The following UBR4 variants were observed in gnomAD, a reference collection of about 807,000 sequenced individuals.
The protein encoded by UBR4 is ubiquitin protein ligase E3 component n-recognin 4, also known as E3 ubiquitin-protein ligase UBR4.
A neutral mutation model predicts 575.6 loss-of-function variants in UBR4; 124 were observed. The ratio of observed to expected loss-of-function variants is 0.22; its 90% confidence interval spans 0.19 to 0.25. The LOEUF (loss-of-function observed/expected upper bound fraction) is 0.25, where lower values mean the gene tolerates loss of function less well. Ranked by LOEUF, UBR4 falls within the 10% of genes least tolerant of loss-of-function variation. The probability of loss-of-function intolerance (pLI) is 1.00; values close to 1 mark genes in which losing one functional copy is unlikely to be tolerated. For synonymous variants in UBR4, 2,455 were observed against 2,473.7 expected (o/e 0.99, Z 0.22); for missense variants, 4,818 against 6,478.8 (o/e 0.74, Z 8.80).
At chr1:19,201,912 T>A in intron 1 of UBR4, 97 bp from the exon 2 acceptor site, 1 of 1,010,488 alleles carries the variant, frequency 9.9e-7, no homozygotes, top group Non-Finnish European at 1.5e-6. Flanking sequence ...CCTTACTACC[T>A]GGTAGATAGT....
In UBR4 at chr1:19,152,195, AG is replaced by A; in HGVS notation, c.6996+117del. On this transcript the variant is annotated intron_variant, in intron 47 of 105. Transcript: ENST00000375254. The surrounding 1 kb of genome is among the most constrained non-coding windows in gnomAD (Gnocchi z 4.4). ...CTAAGGAACCATTTAACTAGAACCGAGGGTTGTGACTGTGAGTATATACTCT... is the reference window on the plus strand; with the variant it reads ...CTAAGGAACCATTTAACTAGAACCGAGGTTGTGACTGTGAGTATATACTCT... 2 of 1,383,124 alleles carry A rather than the reference AG, an allele frequency of 1.4e-6. No homozygotes were observed. The highest frequency in any genetic ancestry group is 2.0e-6 in the Non-Finnish European group (2 of 1,009,596). 85.7% of individuals were successfully genotyped at this position (1,383,124 alleles called of 1,614,324 possible). A position where few individuals can be genotyped will look rare whatever the true frequency, so the allele number is the denominator to read the frequency against.
chr1:19,091,223 G>A (rs2077483990), intron 97 of UBR4, among the ~76,000 whole-genome samples: 1 of 152,164 alleles, frequency 6.6e-6, no homozygotes, highest in African/African-American at 2.4e-5. Flanking sequence ...ATGTTACAAG[G>A]ATATGGAAAA....
intron 8 of UBR4, among the ~76,000 whole-genome samples, chr1:19,195,036 G>A (rs1483102717): frequency 3.3e-5 from 5 of 151,312 alleles, no homozygotes; most frequent in Admixed American, 1.3e-4. Context: ...CAAGGCGGGC[G>A]GATCACGAGG....
At chr1:19,085,323 A>G (rs557585044) in intron 101 of UBR4, among the ~76,000 whole-genome samples, 20 of 152,328 alleles carry the variant, frequency 1.3e-4, no homozygotes, top group African/African-American at 4.8e-4. Context: ...GGAGTTCCAG[A>G]CCAGCCTGGC....
At chr1:19,127,260 T>C (rs2081921134) in intron 63 of UBR4, among the ~76,000 whole-genome samples, 2 of 152,204 alleles carry the variant, frequency 1.3e-5, no homozygotes. Flanking sequence ...TATGCTAATC[T>C]CCTTTCACCA....
chr1:19,106,522 TG>T (rs772595049), intron 83 of UBR4, 46 bp downstream of exon 83: 2 of 1,507,792 alleles, frequency 1.3e-6, no homozygotes, highest in East Asian at 2.3e-5. Flanking sequence ...GCTCAGAGTC[TG>T]GGGTCAGGGG....
rs747573199 is a variant in UBR4, at chr1:19,128,256, G to A, written c.9066C>T (p.Asp3022=). 3 of 1,614,086 alleles carry A rather than the reference G, an allele frequency of 1.9e-6. No individual in the cohort carries two copies. Among genetic ancestry groups the A allele is most frequent in the Non-Finnish European group, 2.5e-6 (3 of 1,179,966 alleles). Residue 3022 remains aspartate, a synonymous_variant, in exon 62 of 106, where the codon GAC becomes GAT. Transcript: ENST00000375254. ...CAGCAATAAGCTGGGAGAGCAGGTT[G>A]TCTAGGGCCCCCTTGTCTTTCTCAT... The part of the protein sequence containing the change: ...GEDEKDKGAL[D]NLLSQLIAEL...
At position 19,137,962 on chromosome 1, in the gene UBR4, T is replaced by A. The variant is rs751204608; in HGVS notation, c.8906+45A>T. On this transcript the variant is annotated intron_variant, in intron 60 of 105. Coordinates refer to ENST00000375254, the MANE Select transcript of UBR4 (RefSeq NM_020765.3). Reference sequence around the variant, plus strand: ...ATCAGTCCTACTATTCCTGAAATAGTCTCAGATAGGCAAGCCTCTTAACTG... The same window carrying A: ...ATCAGTCCTACTATTCCTGAAATAGACTCAGATAGGCAAGCCTCTTAACTG... The A allele has an allele frequency of 3.5e-6, 5 of 1,436,380 alleles. No homozygotes were observed. In the South Asian group the frequency reaches 6.9e-5, roughly 20 times the overall value. The allele number at this position is 1,436,380 out of a possible 1,614,324, so 89.0% of individuals were successfully genotyped here.
chr1:19,144,141 A>G (rs780337333), intron 54 of UBR4, 50 bp from the exon 55 acceptor site: 1 of 1,533,654 alleles, frequency 6.5e-7, no homozygotes, highest in South Asian at 1.1e-5. Flanking sequence ...TTATTCATGA[A>G]ACTCTCTATA....
At chr1:19,095,759 T>C in intron 92 of UBR4, 107 bp from the exon 93 acceptor site, 1 of 983,192 alleles carries the variant, frequency 1.0e-6, no homozygotes, top group Non-Finnish European at 1.6e-6. Flanking sequence ...CAGCAGGGGC[T>C]CCTCCTGAAA....
At chr1:19,082,092 C>T (rs2076574818) in intron 102 of UBR4, 1 of 356,620 alleles carries the variant, frequency 2.8e-6, no homozygotes, top group Non-Finnish European at 5.1e-6. Context: ...TGGTTCCTTT[C>T]CTAGGCTCCC....
chr1:19,201,037 G>C (rs2092719329), intron 2 of UBR4, among the ~76,000 whole-genome samples: 1 of 152,196 alleles, frequency 6.6e-6, no homozygotes, highest in South Asian at 2.1e-4. Context: ...GACTGAGGAG[G>C]CTAAGGCAGG....
chr1:19,089,282 AG>A lies in UBR4; in HGVS notation c.14212-306del, dbSNP rs1224657286. ...AACATATGCAAAGCATCCATCACAG[AG>A]GATGTGGAAAGGGGCCAGGAGAAGA... On this transcript the variant is annotated intron_variant, in intron 97 of 105. Coordinates refer to ENST00000375254, the MANE Select transcript of UBR4 (RefSeq NM_020765.3). The surrounding 1 kb of genome is among the most constrained non-coding windows in gnomAD (Gnocchi z 4.3). Among the ~76,000 whole-genome samples the A allele has an allele frequency of 6.6e-6, 1 of 152,208 alleles. No homozygotes were observed. Among genetic ancestry groups the A allele is most frequent in the East Asian group, 1.9e-4 (1 of 5,190 alleles).
In UBR4 at chr1:19,076,727, C is replaced by T. The variant is rs76098105; in HGVS notation, c.15487+13G>A. ...TGCGGAGGATCTTTAAAAGAGAAAA[C>T]CTTGACACTAACCGGCCACATCGAG... On this transcript the variant is annotated intron_variant, in intron 105 of 105. Transcript: ENST00000375254. 0.025 allele frequency: 40,926 copies of T among 1,613,986 alleles called. 611 individuals are homozygous for T. Among genetic ancestry groups the T allele is most frequent in the Middle Eastern group, 0.05 (301 of 6,062 alleles).
intron 88 of UBR4, among the ~76,000 whole-genome samples, chr1:19,101,114 G>A (rs1401332593): frequency 6.6e-6 from 1 of 151,936 alleles, no homozygotes; most frequent in African/African-American, 2.4e-5. Flanking sequence ...TTCAGGCTAG[G>A]GAAAAAAACA....
intron 27 of UBR4, 92 bp downstream of exon 27, chr1:19,169,343 A>T: frequency 2.0e-6 from 2 of 1,011,336 alleles, no homozygotes; most frequent in African/African-American, 1.6e-5. Context: ...ATATCTTGGT[A>T]GCTAGTTTAA....
intron 49 of UBR4, among the ~76,000 whole-genome samples, chr1:19,150,003 C>T (rs2085434967): frequency 2.0e-5 from 3 of 152,080 alleles, no homozygotes; most frequent in Admixed American, 2.0e-4. Flanking sequence ...CAAAATCTTA[C>T]ATCATGAATT....
Position 19,144,913 on chromosome 1 carries a change from GGA to G in UBR4, c.7946-8_7946-7del. 6.2e-7 allele frequency: 1 copy of G among 1,611,832 alleles called. No individual in the cohort carries two copies. The highest frequency in any genetic ancestry group is 8.5e-7 in the Non-Finnish European group (1 of 1,179,438). On this transcript the variant is annotated splice_region_variant and splice_polypyrimidine_tract_variant and intron_variant, in intron 53 of 105. Transcript: ENST00000375254. ...AGCTTCAATATGAGTTAGTCCTAAA[GGA>G]GAGACAAACATTATTTGAAAATCTG...
At chr1:19,104,063 C>T (rs1203510753) in intron 87 of UBR4, 21 bp downstream of exon 87, 2 of 1,612,874 alleles carry the variant, frequency 1.2e-6, no homozygotes. Flanking sequence ...CCTTAGGCTC[C>T]AGGCCACTGG....
Sources: gnomAD v4.1 joint callset for allele counts (sites outside exome capture counted in the v4.1 genomes callset) on GRCh38, gnomAD v4.1.1 for gene constraint, Gnocchi (gnomAD v3.1) non-coding constraint, MANE v1.5 for transcripts, NCBI Gene and HGNC (gene_info 2026-07-23, HGNC 2026-07-21) for gene names.